DLGAP2: variants seen among roughly 807,000 people sequenced by gnomAD.
DLGAP2 encodes the protein disks large-associated protein 2.
Under a neutral mutation model 100.3 loss-of-function variants are expected in DLGAP2, and 26 were observed. The observed-to-expected ratio is 0.26, with a 90% CI of 0.19 to 0.36. The LOEUF is 0.36. Ranked by LOEUF, DLGAP2 falls within the 10% of genes least tolerant of loss-of-function variation. The pLI is 1.00. For missense variants in DLGAP2, 1,858 were observed against 1,453.2 expected, an observed-to-expected ratio of 1.28 and a Z score of -4.53; for synonymous variants, 886 against 630.1, an observed-to-expected ratio of 1.41 and a Z score of -6.08.
chr8:1,225,520 C>T (rs1459088909), intron 2 of DLGAP2, among the ~76,000 whole-genome samples: 5 of 152,134 alleles, frequency 3.3e-5, no homozygotes, highest in South Asian at 2.1e-4. Flanking sequence ...TTGAACAACA[C>T]GTGAATGTAT....
At chr8:1,172,518 C>G (rs557078747) in intron 2 of DLGAP2, among the ~76,000 whole-genome samples, 10 of 152,338 alleles carry the variant, frequency 6.6e-5, no homozygotes, top group Non-Finnish European at 1.3e-4. Context: ...CTTTCAGGTG[C>G]ACCAATCAGA....
At chr8:1,147,494 A>T (rs768956293) in intron 2 of DLGAP2, among the ~76,000 whole-genome samples, 27 of 150,648 alleles carry the variant, frequency 1.8e-4, no homozygotes, top group Admixed American at 6.0e-4. Context: ...ATTTCATTTA[A>T]CGTTTTTCTC....
At chr8:1,509,212 T>A (rs1800066515) in intron 4 of DLGAP2, among the ~76,000 whole-genome samples, 1 of 151,594 alleles carries the variant, frequency 6.6e-6, no homozygotes, top group Admixed American at 6.6e-5. Context: ...GCGCCTGTAA[T>A]CCCAGCTACT....
chr8:1,077,889 G>A (rs375653244), intron 2 of DLGAP2, among the ~76,000 whole-genome samples: 9 of 152,154 alleles, frequency 5.9e-5, no homozygotes, highest in East Asian at 1.9e-4. Flanking sequence ...GCCCGTGTGC[G>A]TGCACGAGTT....
At chr8:1,652,527 G>C (rs1298283190) in intron 8 of DLGAP2, among the ~76,000 whole-genome samples, 1 of 152,122 alleles carries the variant, frequency 6.6e-6, no homozygotes, top group African/African-American at 2.4e-5. Context: ...ACTAACCCTG[G>C]TCTTGTGCGT....
intron 3 of DLGAP2, among the ~76,000 whole-genome samples, chr8:1,390,027 C>T (rs1436869387): frequency 6.6e-6 from 1 of 152,072 alleles, no homozygotes; most frequent in Admixed American, 6.5e-5. Context: ...ATGGATGTTG[C>T]CTGGAAATGC....
chr8:1,057,899 A>G (rs1410687637), intron 2 of DLGAP2, among the ~76,000 whole-genome samples: 1 of 152,194 alleles, frequency 6.6e-6, no homozygotes, highest in Non-Finnish European at 1.5e-5. Context: ...CTTATTTTCC[A>G]GTTCTTAAAT....
chr8:1,129,574 C>T (rs896479976), intron 2 of DLGAP2, among the ~76,000 whole-genome samples: 2 of 152,062 alleles, frequency 1.3e-5, no homozygotes, highest in African/African-American at 2.4e-5. Flanking sequence ...GAGAGGGGCA[C>T]CTGCTCCCAC....
intron 1 of DLGAP2, among the ~76,000 whole-genome samples, chr8:775,232 G>A (rs944418299): frequency 2.6e-5 from 4 of 152,138 alleles, no homozygotes; most frequent in Admixed American, 6.5e-5. Flanking sequence ...TTGCTTATCA[G>A]CTTAAGGAGA....
intron 3 of DLGAP2, among the ~76,000 whole-genome samples, chr8:1,350,473 C>T (rs71497183): frequency 2.6e-4 from 10 of 38,732 alleles, no homozygotes; most frequent in African/African-American, 4.1e-4. Flanking sequence ...CCTGACTGTG[C>T]GTGGAAAGGC....
intron 2 of DLGAP2, among the ~76,000 whole-genome samples, chr8:1,120,672 A>T (rs570876489): frequency 1.3e-5 from 2 of 150,930 alleles, no homozygotes; most frequent in Admixed American, 1.3e-4. Flanking sequence ...AGTCCTTTGG[A>T]TGCCATGATG....
chr8:1,196,382 G>A (rs1020613389), intron 2 of DLGAP2, among the ~76,000 whole-genome samples: 12 of 152,312 alleles, frequency 7.9e-5, no homozygotes, highest in African/African-American at 2.9e-4. Flanking sequence ...TGTCAGCACA[G>A]GGGCTAACAC....
At chr8:888,689 C>G (rs1443164977) in intron 1 of DLGAP2, among the ~76,000 whole-genome samples, 1 of 151,664 alleles carries the variant, frequency 6.6e-6, no homozygotes, top group African/African-American at 2.4e-5. Flanking sequence ...ATTCATCTGA[C>G]TCACTCCTGT....
At chr8:1,455,373 C>G (rs1316027627) in intron 3 of DLGAP2, among the ~76,000 whole-genome samples, 1 of 152,258 alleles carries the variant, frequency 6.6e-6, no homozygotes, top group Non-Finnish European at 1.5e-5. Context: ...CTGAAGTCCA[C>G]ATGAGTCCCC....
At position 917,073 on chromosome 8, in the gene DLGAP2, C is replaced by T. The variant is rs1584887972; in HGVS notation, c.73+9107C>T. ...AGCCACTGCTTTTTCATAGCTTGTC[C>T]TGCTTCAAAGTAAAACACCAGTGAA... On this transcript the variant is annotated intron_variant, in intron 2 of 14. Coordinates refer to ENST00000637795, the MANE Select transcript of DLGAP2 (RefSeq NM_001346810.2). Among the ~76,000 whole-genome samples the T allele has an allele frequency of 2.0e-5, 3 of 152,318 alleles. 1 individual carries two copies. The highest frequency in any genetic ancestry group is 6.5e-5 in the Admixed American group (1 of 15,304).
intron 8 of DLGAP2, among the ~76,000 whole-genome samples, chr8:1,652,952 G>A (rs1282548846): frequency 6.6e-6 from 1 of 152,224 alleles, no homozygotes; most frequent in African/African-American, 2.4e-5. Context: ...CGGTCCATAT[G>A]CCCTTTGCCT....
At position 1,676,632 on chromosome 8, in the gene DLGAP2, T is replaced by A. The variant is rs756271753; in HGVS notation, c.2288+14T>A. On this transcript the variant is annotated intron_variant, in intron 11 of 14. Transcript: ENST00000637795. ...AGATGAGAAGCGGTAACTCAGCCCC[T>A]CCTGACACGCGGTGACCCCCGAGCG... 1 of 1,608,088 alleles carries A rather than the reference T, an allele frequency of 6.2e-7. No individual in the cohort carries two copies. The highest frequency in any genetic ancestry group is 1.1e-5 in the South Asian group (1 of 89,778).
At chr8:1,363,056 A>G (rs1585301009) in intron 3 of DLGAP2, among the ~76,000 whole-genome samples, 1 of 152,228 alleles carries the variant, frequency 6.6e-6, no homozygotes, top group Non-Finnish European at 1.5e-5. Context: ...TTTAAAGAGA[A>G]GCCAAAAATC....
chr8:836,611 G>A (rs1796881829), intron 1 of DLGAP2, among the ~76,000 whole-genome samples: 2 of 152,306 alleles, frequency 1.3e-5, no homozygotes, highest in Admixed American at 1.3e-4. Context: ...GGAGAACGCG[G>A]CCTGTGGGCA....
Sources: allele counts gnomAD v4.1 joint callset (sites outside exome capture counted in the v4.1 genomes callset), GRCh38; gene constraint gnomAD v4.1.1; transcripts MANE v1.5; gene names NCBI Gene and HGNC (gene_info 2026-07-23, HGNC 2026-07-21).